The following ZNF143 variants were observed in gnomAD, a reference collection of about 807,000 sequenced individuals.
The protein encoded by ZNF143 is SPH-binding factor.
In ZNF143, 49 loss-of-function variants were observed where a neutral mutation model predicts 74.1. That is an observed-to-expected ratio of 0.66 (90% CI 0.53 to 0.84). ZNF143 has a LOEUF of 0.84. ZNF143 is among the 40% of genes least tolerant of loss of function. The pLI, the probability that ZNF143 is intolerant of heterozygous loss-of-function variation, is 0.00. For synonymous variants in ZNF143, 304 were observed against 282.8 expected, an observed-to-expected ratio of 1.07 and a Z score of -0.75; for missense variants, 637 against 793.4, an observed-to-expected ratio of 0.80 and a Z score of 2.37.
At chr11:9,494,267 C>G (rs1238495715) in intron 7 of ZNF143, among the ~76,000 whole-genome samples, 2 of 152,094 alleles carry the variant, frequency 1.3e-5, no homozygotes, top group Non-Finnish European at 2.9e-5. Flanking sequence ...CTTTTTAATT[C>G]TGAAAATCAT....
At chr11:9,490,856 C>T (rs895941850) in intron 7 of ZNF143, among the ~76,000 whole-genome samples, 3 of 152,104 alleles carry the variant, frequency 2.0e-5, no homozygotes, top group Middle Eastern at 3.2e-3. Flanking sequence ...CCTCAGCCTC[C>T]CAAGTAGCTG....
intron 13 of ZNF143, among the ~76,000 whole-genome samples, chr11:9,515,641 G>A (rs556669883): frequency 3.4e-5 from 5 of 145,486 alleles, no homozygotes; most frequent in East Asian, 2.0e-4. Flanking sequence ...GCAACAGAGC[G>A]AGACTCTGTC....
intron 1 of ZNF143, among the ~76,000 whole-genome samples, chr11:9,469,152 A>G (rs574239246): frequency 6.6e-6 from 1 of 150,644 alleles, no homozygotes; most frequent in South Asian, 2.1e-4. Flanking sequence ...AAGTAGAGTA[A>G]TGCAGTATTT....
chr11:9,488,530 T>G (rs1055268450), intron 7 of ZNF143, among the ~76,000 whole-genome samples: 3 of 152,116 alleles, frequency 2.0e-5, no homozygotes, highest in Non-Finnish European at 4.4e-5. Context: ...CACTCCCCAG[T>G]CCTCTTCTTC....
At position 9,508,833 on chromosome 11, in the gene ZNF143, T is replaced by C; in HGVS notation, c.1362T>C (p.Phe454=). The change falls in exon 12 of 16, where the codon TTT becomes TTC. Residue 454 remains phenylalanine, a synonymous_variant. Transcript: ENST00000396602. ...EPIEEEQEAF[F]EPPPGQGEDV... ...TCGAGGAGGAGCAGGAAGCCTTCTTTGAGCCGCCCCCAGGTGAGAGTTTTG... is the reference window on the plus strand; with the variant it reads ...TCGAGGAGGAGCAGGAAGCCTTCTTCGAGCCGCCCCCAGGTGAGAGTTTTG... 1 of 1,588,468 alleles carries C rather than the reference T, an allele frequency of 6.3e-7. No individual in the cohort carries two copies. The highest frequency in any genetic ancestry group is 1.1e-5 in the South Asian group (1 of 88,228).
chr11:9,478,563 G>C lies in ZNF143; in HGVS notation c.547G>C (p.Ala183Pro). The change falls in exon 6 of 16, where the codon GCT becomes CCT. Residue 183 changes from alanine (A) to proline (P), a missense_variant. Ala to Pro is a conservative substitution (Grantham distance 27, BLOSUM62 -1). Coordinates refer to ENST00000396602, the MANE Select transcript of ZNF143 (RefSeq NM_003442.6). ...TACAATTGACCCTGACACCATCAGT[G>C]CTTTGGAACAGTATGCAGCAAAGGT... ...DATIDPDTIS[A>P]LEQYAAKVSI... is the part of the protein sequence containing the mutation. The C allele has an allele frequency of 6.2e-7, 1 of 1,614,098 alleles. No individual in the cohort carries two copies. Among genetic ancestry groups the C allele is most frequent in the Non-Finnish European group, 8.5e-7 (1 of 1,179,972 alleles).
At chr11:9,467,784 C>T (rs1439601819) in intron 1 of ZNF143, among the ~76,000 whole-genome samples, 1 of 142,584 alleles carries the variant, frequency 7.0e-6, no homozygotes, top group South Asian at 2.2e-4. Context: ...GTGGAAGTTA[C>T]AGTGAGCTGA....
At chr11:9,494,287 G>A (rs1847883617) in intron 7 of ZNF143, among the ~76,000 whole-genome samples, 1 of 152,146 alleles carries the variant, frequency 6.6e-6, no homozygotes, top group Non-Finnish European at 1.5e-5. Context: ...TAATTTATCT[G>A]TTTTATTTCT....
At chr11:9,483,328 C>T (rs1188643419) in intron 7 of ZNF143, among the ~76,000 whole-genome samples, 3 of 106,010 alleles carry the variant, frequency 2.8e-5, no homozygotes, top group East Asian at 2.9e-4. Context: ...GACGGCATCT[C>T]GCTCTGTCAC....
At chr11:9,508,867 A>G in intron 12 of ZNF143, 21 bp downstream of exon 12, 1 of 1,553,146 alleles carries the variant, frequency 6.4e-7, no homozygotes, top group East Asian at 2.4e-5. Flanking sequence ...TGTCTACTAT[A>G]TTTTGTTTCT....
Position 9,501,275 on chromosome 11 carries a change from C to T in ZNF143, c.1147+5C>T, listed in dbSNP as rs777784102. The T allele has an allele frequency of 6.2e-7, 1 of 1,612,532 alleles. No homozygotes were observed. Among genetic ancestry groups the T allele is most frequent in the African/African-American group, 1.3e-5 (1 of 74,822 alleles). ...ACCATGTGAGGATACACACAGGTAA[C>T]AATCTCTGATCTTTTGGTCTTTTAT... On this transcript the variant is annotated splice_donor_5th_base_variant and intron_variant, in intron 11 of 15. Coordinates refer to ENST00000396602, the MANE Select transcript of ZNF143 (RefSeq NM_003442.6).
At chr11:9,510,051 C>A (rs566958337) in intron 12 of ZNF143, among the ~76,000 whole-genome samples, 56 of 151,800 alleles carry the variant, frequency 3.7e-4, no homozygotes, top group African/African-American at 1.3e-3. Flanking sequence ...TTGCAAGACT[C>A]TTTTTCTAAG....
chr11:9,472,444 G>T (rs12363816), intron 2 of ZNF143, among the ~76,000 whole-genome samples: 26,070 of 151,996 alleles, frequency 0.17, 2,816 homozygotes, highest in African/African-American at 0.3. Context: ...AGTAGAGACG[G>T]GGTTTCACCT....
chr11:9,516,779 C>T (rs1469944155), intron 14 of ZNF143, among the ~76,000 whole-genome samples: 4 of 152,168 alleles, frequency 2.6e-5, no homozygotes, highest in African/African-American at 4.8e-5. Flanking sequence ...TCATCCCACC[C>T]CTGCCTTCAT....
At position 9,525,342 on chromosome 11, in the gene ZNF143, C is replaced by G; in HGVS notation, c.1789C>G (p.Leu597Val). The G allele has an allele frequency of 6.2e-7, 1 of 1,614,212 alleles. No individual in the cohort carries two copies. Among genetic ancestry groups the G allele is most frequent in the Non-Finnish European group, 8.5e-7 (1 of 1,180,036 alleles). The change falls in exon 15 of 16, where the codon CTG (leucine) becomes GTG (valine). Residue 597 changes from leucine to valine, a missense_variant. By Grantham distance (32) the Leu-to-Val change is conservative. Around this residue, in one of 2 missense-constraint regions of ZNF143, gnomAD observed 344 missense variants for 485.6 expected, o/e 0.71. Coordinates refer to ENST00000396602, the MANE Select transcript of ZNF143 (RefSeq NM_003442.6). ...CTTAGTAACCACAGAAACCAGACCT[C>G]TGACCTTAGTAGCAACATCCAATGG... ...HHLVTTETRP[L>V]TLVATSNGTQ...
intron 1 of ZNF143, among the ~76,000 whole-genome samples, chr11:9,467,541 AATTTT>A (rs1019562076): frequency 1.3e-5 from 2 of 151,948 alleles, no homozygotes; most frequent in African/African-American, 4.8e-5. Flanking sequence ...CAACAAGAAA[AATTTT>A]AAAGGGTGAA....
intron 2 of ZNF143, among the ~76,000 whole-genome samples, chr11:9,472,233 T>G (rs1202489235): frequency 6.6e-6 from 1 of 152,016 alleles, no homozygotes; most frequent in Non-Finnish European, 1.5e-5. Flanking sequence ...CCAGCCTGTT[T>G]TTGGTAAGTG....
intron 12 of ZNF143, among the ~76,000 whole-genome samples, chr11:9,510,677 A>G (rs1054421974): frequency 1.3e-5 from 2 of 152,138 alleles, no homozygotes; most frequent in Non-Finnish European, 2.9e-5. Flanking sequence ...GCATGGATTA[A>G]CCACTGAATT....
intron 8 of ZNF143, among the ~76,000 whole-genome samples, chr11:9,495,209 C>T (rs1311604475): frequency 2.6e-5 from 4 of 152,024 alleles, no homozygotes; most frequent in African/African-American, 4.8e-5. Context: ...TTTGGGAGGC[C>T]GAGGCGGGTG....
Sources: gnomAD v4.1 joint callset for allele counts (sites outside exome capture counted in the v4.1 genomes callset) on GRCh38, gnomAD v4.1.1 for gene constraint, gnomAD v4.1.1 regional missense constraint, MANE v1.5 for transcripts, NCBI Gene and HGNC (gene_info 2026-07-23, HGNC 2026-07-21) for gene names.